The following SPATA31G1 variants were observed in gnomAD, a reference collection of about 807,000 sequenced individuals.
SPATA31G1 encodes the protein spermatogenesis-associated protein 31G1.
At chr9:35,045,378 G>A in the SPATA31G1 span, 1 of 1,614,072 alleles carries the variant, frequency 6.2e-7, no homozygotes, top group Non-Finnish European at 8.5e-7. Context: ...TCTATCTCCA[G>A]GCCCAGGAGA....
chr9:35,043,733 C>T, the SPATA31G1 span: 1 of 1,614,202 alleles, frequency 6.2e-7, no homozygotes, highest in Non-Finnish European at 8.5e-7. Context: ...CTAAGGACTT[C>T]TGGGGAACCG....
the SPATA31G1 span, chr9:35,044,156 A>C: frequency 6.2e-7 from 1 of 1,614,142 alleles, no homozygotes; most frequent in African/African-American, 1.3e-5. Flanking sequence ...ACCTCTGGGC[A>C]TCTGATTCCC....
the SPATA31G1 span, chr9:35,045,612 A>AG: frequency 6.2e-6 from 10 of 1,614,190 alleles, no homozygotes; most frequent in Non-Finnish European, 8.5e-6. Flanking sequence ...GTCTCAACAC[A>AG]GGGGCCAGAG....
chr9:35,045,200 T>C, the SPATA31G1 span: 47 of 1,613,992 alleles, frequency 2.9e-5, no homozygotes, highest in African/African-American at 3.5e-4. Flanking sequence ...TACCTCAGCC[T>C]GTCCAGTCCT....
the SPATA31G1 span, chr9:35,043,062 G>C: frequency 9.9e-6 from 16 of 1,614,102 alleles, no homozygotes; most frequent in Non-Finnish European, 1.4e-5. Context: ...TGGTTCTGAG[G>C]GCCTCCTCAA....
chr9:35,044,862 C>T, the SPATA31G1 span: 2 of 1,614,102 alleles, frequency 1.2e-6, no homozygotes, highest in Non-Finnish European at 1.7e-6. Context: ...TGAACGCACT[C>T]ATCCTGGTCT....
the SPATA31G1 span, chr9:35,041,267 CATAAAGTAA>C: frequency 4.5e-6 from 1 of 220,994 alleles, no homozygotes; most frequent in African/African-American, 2.4e-5. Context: ...AAGCTAAGAA[CATAAAGTAA>C]ATTGATTTAT....
the SPATA31G1 span, chr9:35,043,568 C>G: frequency 6.2e-7 from 1 of 1,614,172 alleles, no homozygotes; most frequent in African/African-American, 1.3e-5. Context: ...GAACTAGCCC[C>G]CTGGAAGTTC....
At chr9:35,043,493 G>A in the SPATA31G1 span, 1 of 1,614,080 alleles carries the variant, frequency 6.2e-7, no homozygotes, top group Admixed American at 1.7e-5. Flanking sequence ...TCCTCCATCT[G>A]AGGCCCTTCC....
the SPATA31G1 span, chr9:35,045,082 C>A: frequency 6.2e-7 from 1 of 1,614,224 alleles, no homozygotes; most frequent in Non-Finnish European, 8.5e-7. Flanking sequence ...CTGAGCTCCA[C>A]AATTCCAGAC....
the SPATA31G1 span, chr9:35,044,134 G>T: frequency 6.2e-7 from 1 of 1,614,062 alleles, no homozygotes; most frequent in Non-Finnish European, 8.5e-7. Context: ...GAGACCATGG[G>T]GCAGAAAGAG....
the SPATA31G1 span, chr9:35,045,336 C>T: frequency 6.2e-7 from 1 of 1,614,116 alleles, no homozygotes; most frequent in Non-Finnish European, 8.5e-7. Flanking sequence ...ATCCCAAGGG[C>T]CATGTGTACA....
At chr9:35,043,590 G>C in the SPATA31G1 span, 1 of 1,614,190 alleles carries the variant, frequency 6.2e-7, no homozygotes, top group Non-Finnish European at 8.5e-7. Flanking sequence ...CCCTGGATAT[G>C]AGACTCATTT....
chr9:35,044,120 G>A, the SPATA31G1 span: 219 of 1,614,128 alleles, frequency 1.4e-4, 1 homozygote, highest in Middle Eastern at 2.0e-3. Flanking sequence ...CCAAAGCTTT[G>A]TGGGAGACCA....
At chr9:35,045,769 C>T in the SPATA31G1 span, 2 of 1,614,232 alleles carry the variant, frequency 1.2e-6, no homozygotes, top group South Asian at 2.2e-5. Context: ...AAGTATCTCT[C>T]CTTCCCTACC....
At chr9:35,044,611 T>A in the SPATA31G1 span, 1 of 1,614,182 alleles carries the variant, frequency 6.2e-7, no homozygotes. Context: ...AGTGAGCCTA[T>A]CGCAGACCAA....
the SPATA31G1 span, chr9:35,043,943 T>G: frequency 6.8e-6 from 11 of 1,613,748 alleles, no homozygotes; most frequent in Non-Finnish European, 9.3e-6. Context: ...CAGAGCTCTC[T>G]GGAACCAGCC....
At chr9:35,045,394 C>T in the SPATA31G1 span, 3 of 1,614,158 alleles carry the variant, frequency 1.9e-6, no homozygotes, top group Non-Finnish European at 8.5e-7. Flanking sequence ...GGAGAACCCT[C>T]AAACTCTAAG....
chr9:35,044,680 A>G, the SPATA31G1 span: 2 of 1,613,924 alleles, frequency 1.2e-6, no homozygotes, highest in East Asian at 2.2e-5. Flanking sequence ...TGGGCCACTG[A>G]GCTCCCAGCC....
Sources: gnomAD v4.1 joint callset for allele counts on GRCh38, gnomAD v4.1.1 for gene constraint, MANE v1.5 for transcripts, NCBI Gene and HGNC (gene_info 2026-07-23, HGNC 2026-07-21) for gene names.